Variants in RABGAP1L observed in about 807,000 individuals in gnomAD.
RABGAP1L encodes the protein RAB GTPase activating protein 1 like.
In RABGAP1L, 63 loss-of-function variants were observed where a neutral mutation model predicts 137.7. That is an observed-to-expected ratio of 0.46 (90% CI 0.37 to 0.56). RABGAP1L has a LOEUF of 0.56. Among genes scored for constraint, RABGAP1L ranks in the 20% least tolerant of loss-of-function variants. RABGAP1L has a pLI of 0.00. For missense variants in RABGAP1L, 1,095 were observed against 1,244.0 expected, an observed-to-expected ratio of 0.88 and a Z score of 1.80; for synonymous variants, 431 against 433.7, an observed-to-expected ratio of 0.99 and a Z score of 0.08.
intron 19 of RABGAP1L, among the ~76,000 whole-genome samples, chr1:174,890,061 C>G (rs1412473170): frequency 6.6e-6 from 1 of 152,152 alleles, no homozygotes; most frequent in Non-Finnish European, 1.5e-5. Context: ...TTTCAAAAAT[C>G]AAACAAACGA....
intron 18 of RABGAP1L, among the ~76,000 whole-genome samples, chr1:174,752,719 G>A (rs990963097): frequency 6.6e-6 from 1 of 151,950 alleles, no homozygotes; most frequent in Non-Finnish European, 1.5e-5. Context: ...ATCTCTGGAG[G>A]TACCTAAACA....
chr1:174,964,963 G>A, intron 20 of RABGAP1L: 14 of 1,502,036 alleles, frequency 9.3e-6, no homozygotes, highest in Non-Finnish European at 1.2e-5. Context: ...GAAAACAGTA[G>A]TTGGTCTATG....
chr1:174,342,581 CAAAG>C (rs1438364260), intron 11 of RABGAP1L, among the ~76,000 whole-genome samples: 3 of 151,988 alleles, frequency 2.0e-5, no homozygotes, highest in Non-Finnish European at 1.5e-5. Context: ...ACTTAGAAAA[CAAAG>C]AAAAATATGT....
At chr1:174,581,062 A>T (rs1162791687) in intron 13 of RABGAP1L, among the ~76,000 whole-genome samples, 3 of 152,184 alleles carry the variant, frequency 2.0e-5, no homozygotes, top group Admixed American at 6.5e-5. Context: ...ACCCTTATAC[A>T]CTGCTGGTTG....
intron 19 of RABGAP1L, among the ~76,000 whole-genome samples, chr1:174,880,282 A>T (rs1222418318): frequency 6.6e-6 from 1 of 152,130 alleles, no homozygotes; most frequent in East Asian, 1.9e-4. Context: ...GATAATCTTT[A>T]AATTTTATTT....
intron 13 of RABGAP1L, among the ~76,000 whole-genome samples, chr1:174,526,765 A>G (rs1048130179): frequency 1.3e-4 from 19 of 151,820 alleles, no homozygotes; most frequent in East Asian, 1.9e-4. Flanking sequence ...TTTCTTTTCA[A>G]AGAACCAATT....
chr1:174,225,971 G>A (rs1401340397), intron 3 of RABGAP1L, among the ~76,000 whole-genome samples: 2 of 151,962 alleles, frequency 1.3e-5, no homozygotes, highest in Non-Finnish European at 2.9e-5. Context: ...CAGTACCACC[G>A]CGACTACCAG....
At chr1:174,247,596 G>A (rs1164782195) in intron 5 of RABGAP1L, among the ~76,000 whole-genome samples, 1 of 152,194 alleles carries the variant, frequency 6.6e-6, no homozygotes, top group East Asian at 1.9e-4. Context: ...AATTCCCAGG[G>A]CCTTCTTGCC....
At chr1:174,615,182 C>G (rs192480636) in intron 13 of RABGAP1L, among the ~76,000 whole-genome samples, 1 of 152,194 alleles carries the variant, frequency 6.6e-6, no homozygotes, top group South Asian at 2.1e-4. Flanking sequence ...AGTTTTTCTG[C>G]TCTGTTTTTT....
chr1:174,734,053 C>T (rs1682729160), intron 17 of RABGAP1L, among the ~76,000 whole-genome samples: 1 of 152,066 alleles, frequency 6.6e-6, no homozygotes, highest in African/African-American at 2.4e-5. Context: ...TTTGCTTATG[C>T]AACTAGAGGA....
chr1:174,298,844 C>T (rs1192619000), intron 10 of RABGAP1L, among the ~76,000 whole-genome samples: 1 of 152,188 alleles, frequency 6.6e-6, no homozygotes, highest in African/African-American at 2.4e-5. Context: ...AGGATAATTG[C>T]TCAGAACTAG....
intron 18 of RABGAP1L, chr1:174,756,824 G>A: frequency 1.8e-6 from 1 of 562,944 alleles, no homozygotes; most frequent in Non-Finnish European, 3.4e-6. Context: ...GATGAGGGCT[G>A]GGGATTGAGG....
rs141925912 is a variant in RABGAP1L, at chr1:174,312,882, C to A, written c.1465+7755C>A. ...CTTTCTCCAATGTCTGTTTTTGGCA[C>A]CTTTGTCAAAAAATATTTCACTGTA... On this transcript the variant is annotated intron_variant, in intron 11 of 25. Transcript: ENST00000681986. Among the ~76,000 whole-genome samples, 4 of 152,214 alleles carry A rather than the reference C, an allele frequency of 2.6e-5. No homozygotes were observed. In the East Asian group the frequency reaches 7.7e-4, roughly 29 times the overall value.
At chr1:174,492,430 C>T (rs200492271) in intron 13 of RABGAP1L, among the ~76,000 whole-genome samples, 2 of 150,872 alleles carry the variant, frequency 1.3e-5, no homozygotes, top group Admixed American at 1.3e-4. Context: ...CTCACTGCAA[C>T]CTCTGCCTCG....
intron 15 of RABGAP1L, among the ~76,000 whole-genome samples, chr1:174,684,011 A>G (rs1280270416): frequency 6.6e-6 from 1 of 152,130 alleles, no homozygotes. Context: ...TTGAGCATCA[A>G]TTTTCAGGTA....
intron 18 of RABGAP1L, among the ~76,000 whole-genome samples, chr1:174,802,417 A>G (rs1008156301): frequency 1.3e-5 from 2 of 152,130 alleles, no homozygotes; most frequent in African/African-American, 4.8e-5. Flanking sequence ...GACCAGCCTG[A>G]CCAACAATGG....
chr1:174,781,734 A>G (rs890890655), intron 18 of RABGAP1L, among the ~76,000 whole-genome samples: 1 of 152,070 alleles, frequency 6.6e-6, no homozygotes, highest in African/African-American at 2.4e-5. Flanking sequence ...ATCTTGAATT[A>G]ATTTTTGTAT....
chr1:174,266,150 T>A (rs1160617900), intron 7 of RABGAP1L, among the ~76,000 whole-genome samples: 2 of 152,208 alleles, frequency 1.3e-5, no homozygotes. Context: ...TTTACAGTGA[T>A]CTTGGTCAAG....
At chr1:174,662,102 C>CTTTTTTTTTTTTT (rs749496325) in intron 14 of RABGAP1L, among the ~76,000 whole-genome samples, 16 of 90,262 alleles carry the variant, frequency 1.8e-4, no homozygotes, top group East Asian at 5.2e-4. Context: ...CTTTTCTTTT[C>CTTTTTTTTTTTTT]TTTTTTTTTT....
Sources: gnomAD v4.1 joint callset for allele counts (sites outside exome capture counted in the v4.1 genomes callset) on GRCh38, gnomAD v4.1.1 for gene constraint, MANE v1.5 for transcripts, NCBI Gene and HGNC (gene_info 2026-07-23, HGNC 2026-07-21) for gene names.